The following TMTC2 variants were observed in gnomAD, a reference collection of about 807,000 sequenced individuals.
The protein encoded by TMTC2 is transmembrane O-mannosyltransferase targeting cadherins 2, also known as protein O-mannosyl-transferase TMTC2.
A neutral mutation model predicts 82.4 loss-of-function variants in TMTC2; 43 were observed. The ratio of observed to expected loss-of-function variants is 0.52; its 90% CI spans 0.41 to 0.67. The LOEUF is 0.67. Among genes scored for constraint, TMTC2 ranks in the 30% least tolerant of loss-of-function variants. The pLI is 0.00. For missense variants in TMTC2, 919 were observed against 1,012.4 expected (o/e 0.91, Z 1.25); for synonymous variants, 408 against 381.9 (o/e 1.07, Z -0.80).
At chr12:83,070,241 A>G (rs1189311095) in intron 11 of TMTC2, among the ~76,000 whole-genome samples, 1 of 151,928 alleles carries the variant, frequency 6.6e-6, no homozygotes, top group Non-Finnish European at 1.5e-5. Context: ...TGGTATTTTG[A>G]TGGGGATTGC....
At chr12:82,942,032 C>T (rs534875100) in intron 4 of TMTC2, among the ~76,000 whole-genome samples, 12 of 152,164 alleles carry the variant, frequency 7.9e-5, no homozygotes, top group Non-Finnish European at 1.5e-4. Flanking sequence ...TGAGCCACCG[C>T]ACCTGGCTGG....
In TMTC2 at chr12:82,857,541, C is replaced by T; in HGVS notation, c.615C>T (p.His205=). 3.1e-6 allele frequency: 5 copies of T among 1,612,712 alleles called. No individual in the cohort carries two copies. Among genetic ancestry groups the T allele is most frequent in the Non-Finnish European group, 4.2e-6 (5 of 1,179,550 alleles). ...CAGTTTATGATGTCTTTGTCTTTCA[C>T]AGGCTGAAAATAAAACAGATATTAC... is the stretch of plus-strand genomic sequence containing the variant. ...VSAVYDVFVF[H]RLKIKQILPT... The change falls in exon 2 of 12, where the codon CAC becomes CAT. Residue 205 remains histidine (H), a synonymous_variant. Transcript: ENST00000321196.
rs142889174 is a variant in TMTC2, at chr12:82,855,236, A to T, written c.84-1774A>T. On this transcript the variant is annotated intron_variant, in intron 1 of 11. Coordinates refer to ENST00000321196, the MANE Select transcript of TMTC2 (RefSeq NM_152588.3). The stretch of plus-strand genomic sequence containing the variant: ...TAACTCAGTTATTTCCACTGGTGAG[A>T]TCACCTTAGATGGGTTTCTTAATCT... Among the ~76,000 whole-genome samples the T allele has an allele frequency of 4.5e-3, 679 of 152,308 alleles. 3 individuals carry two copies. Among genetic ancestry groups the T allele is most frequent in the Non-Finnish European group, 7.2e-3 (493 of 68,022 alleles).
chr12:83,084,063 T>C (rs1214041968), intron 11 of TMTC2, among the ~76,000 whole-genome samples: 1 of 152,232 alleles, frequency 6.6e-6, no homozygotes, highest in Non-Finnish European at 1.5e-5. Flanking sequence ...TATGAGGAGA[T>C]GGTGGTCACA....
At chr12:82,866,643 G>A (rs935324106) in intron 2 of TMTC2, among the ~76,000 whole-genome samples, 8 of 152,164 alleles carry the variant, frequency 5.3e-5, no homozygotes, top group African/African-American at 1.7e-4. Flanking sequence ...AGGGGGATCC[G>A]ATGGATATCA....
intron 4 of TMTC2, among the ~76,000 whole-genome samples, chr12:82,937,720 G>A (rs1876394969): frequency 2.5e-5 from 1 of 40,538 alleles, no homozygotes; most frequent in Non-Finnish European, 7.3e-5. Flanking sequence ...GTGTGTGTGT[G>A]TGTGTGTGGA....
At chr12:82,708,041 C>T (rs1565716232) in intron 1 of TMTC2, among the ~76,000 whole-genome samples, 1 of 151,984 alleles carries the variant, frequency 6.6e-6, no homozygotes, top group Non-Finnish European at 1.5e-5. Context: ...GCAAACCCAC[C>T]CTGCAGTCTG....
rs748180026 is a variant in TMTC2 at position 82,876,028 on chromosome 12, C to CGGTGGTGGTGGTGGTGGTGGTGGT, written c.654+18465_654+18488dup. Among the ~76,000 whole-genome samples, 18 of 83,482 alleles carry CGGTGGTGGTGGTGGTGGTGGTGGT rather than the reference C, an allele frequency of 2.2e-4. 1 individual carries two copies. Among genetic ancestry groups the CGGTGGTGGTGGTGGTGGTGGTGGT allele is most frequent in the African/African-American group, 6.7e-4 (13 of 19,264 alleles). 54.8% of individuals were successfully genotyped at this position (83,482 alleles called of 152,430 possible). The stretch of plus-strand genomic sequence containing the variant: ...GTAATGGTAATGGTAGTAGTGGTGG[C>CGGTGGTGGTGGTGGTGGTGGTGGT]GGTGGTGGTGGTGGTGGTGGTGGTG... On this transcript the variant is annotated intron_variant, in intron 2 of 11. Transcript: ENST00000321196.
intron 2 of TMTC2, among the ~76,000 whole-genome samples, chr12:82,872,209 G>A (rs923589529): frequency 6.6e-6 from 1 of 152,124 alleles, no homozygotes; most frequent in African/African-American, 2.4e-5. Flanking sequence ...TCCCAGAAGG[G>A]AAATGGGCAT....
chr12:82,731,137 A>G (rs557370431), intron 1 of TMTC2, among the ~76,000 whole-genome samples: 1 of 152,244 alleles, frequency 6.6e-6, no homozygotes, highest in Non-Finnish European at 1.5e-5. Context: ...AAAATCGAGT[A>G]TTGGCTGCTA....
chr12:82,868,489 A>C (rs1871983247), intron 2 of TMTC2, among the ~76,000 whole-genome samples: 1 of 152,166 alleles, frequency 6.6e-6, no homozygotes. Flanking sequence ...TCTTGCCATC[A>C]TCATCATCTC....
chr12:83,120,646 G>A (rs553946875), intron 11 of TMTC2, among the ~76,000 whole-genome samples: 135 of 152,278 alleles, frequency 8.9e-4, no homozygotes, highest in African/African-American at 3.1e-3. Context: ...TGATCTGTTT[G>A]CAATGTATTT....
chr12:82,943,016 C>T (rs1876808305), intron 4 of TMTC2, among the ~76,000 whole-genome samples: 1 of 152,176 alleles, frequency 6.6e-6, no homozygotes, highest in East Asian at 1.9e-4. Flanking sequence ...AGAAGCTGAT[C>T]TGTTCAGGTG....
intron 1 of TMTC2, among the ~76,000 whole-genome samples, chr12:82,784,204 G>A (rs10862508): frequency 0.27 from 41,614 of 151,766 alleles, 5,957 homozygotes; most frequent in Middle Eastern, 0.4. Context: ...ATGGAAACCC[G>A]AATAATGTGA....
intron 1 of TMTC2, among the ~76,000 whole-genome samples, chr12:82,838,619 C>T (rs892493453): frequency 1.3e-5 from 2 of 152,120 alleles, no homozygotes; most frequent in African/African-American, 4.8e-5. Context: ...TGTGTGAACC[C>T]CCTGGTCTTT....
At chr12:82,714,633 G>T (rs756211338) in intron 1 of TMTC2, among the ~76,000 whole-genome samples, 14 of 152,090 alleles carry the variant, frequency 9.2e-5, no homozygotes, top group Admixed American at 7.9e-4. Context: ...AGCTAAGCTG[G>T]CTTCCACCTC....
chr12:82,959,658 A>G (rs948684764), intron 4 of TMTC2, among the ~76,000 whole-genome samples: 4 of 152,114 alleles, frequency 2.6e-5, no homozygotes, highest in Admixed American at 2.6e-4. Context: ...TTTTCACCAT[A>G]TATAAAAAAT....
chr12:83,121,436 C>G (rs1884944133), intron 11 of TMTC2, among the ~76,000 whole-genome samples: 1 of 152,058 alleles, frequency 6.6e-6, no homozygotes, highest in South Asian at 2.1e-4. Context: ...CTGGATCTAG[C>G]CACCCAGCAA....
At chr12:83,131,028 A>G (rs761341144) in intron 11 of TMTC2, among the ~76,000 whole-genome samples, 2 of 152,226 alleles carry the variant, frequency 1.3e-5, no homozygotes, top group African/African-American at 4.8e-5. Flanking sequence ...GTAGAGTCAC[A>G]TGAATTCAGC....
Sources: gnomAD v4.1 joint callset for allele counts (sites outside exome capture counted in the v4.1 genomes callset) on GRCh38, gnomAD v4.1.1 for gene constraint, MANE v1.5 for transcripts, NCBI Gene and HGNC (gene_info 2026-07-23, HGNC 2026-07-21) for gene names.